Variants in HMCN1 observed in about 807,000 individuals in gnomAD.
HMCN1 encodes hemicentin 1, also known as hemicentin-1.
In HMCN1, 321 loss-of-function variants were observed where a neutral mutation model predicts 625.9. That is an observed-to-expected ratio of 0.51 (90% CI 0.47 to 0.56). HMCN1 has a LOEUF of 0.56. Ranked by LOEUF, HMCN1 falls within the 20% of genes least tolerant of loss-of-function variation. The pLI is 0.00. For missense variants in HMCN1, 6,588 were observed against 6,887.3 expected (o/e 0.96, Z 1.54); for synonymous variants, 2,425 against 2,417.6 (o/e 1.00, Z -0.09).
At chr1:186,023,953 A>G (rs1342908683) in intron 36 of HMCN1, among the ~76,000 whole-genome samples, 1 of 152,218 alleles carries the variant, frequency 6.6e-6, no homozygotes, top group Non-Finnish European at 1.5e-5. Flanking sequence ...TAGTAGGTGA[A>G]TGAAAAAGTT....
chr1:185,989,242 G>T (rs984550835), intron 20 of HMCN1, among the ~76,000 whole-genome samples: 1 of 151,950 alleles, frequency 6.6e-6, no homozygotes, highest in Non-Finnish European at 1.5e-5. Flanking sequence ...TGATCTGCCC[G>T]CCTTGGCCTC....
intron 97 of HMCN1, among the ~76,000 whole-genome samples, chr1:186,159,222 GCTCT>G (rs753792611): frequency 6.6e-6 from 1 of 152,026 alleles, no homozygotes; most frequent in Non-Finnish European, 1.5e-5. Flanking sequence ...TCATGATTTG[GCTCT>G]CTGTCTGTTA....
chr1:185,970,825 T>A (rs1286929636), intron 15 of HMCN1, among the ~76,000 whole-genome samples: 1 of 151,814 alleles, frequency 6.6e-6, no homozygotes, highest in Admixed American at 6.6e-5. Flanking sequence ...TGCCCAGCTA[T>A]TTTTTTGTAT....
chr1:185,867,659 G>A (rs925459131), intron 4 of HMCN1, among the ~76,000 whole-genome samples: 1 of 152,088 alleles, frequency 6.6e-6, no homozygotes, highest in Non-Finnish European at 1.5e-5. Flanking sequence ...AGTGGACATG[G>A]TCATTCCCAG....
chr1:185,933,177 C>T (rs909740001), intron 10 of HMCN1, among the ~76,000 whole-genome samples: 3 of 152,052 alleles, frequency 2.0e-5, no homozygotes, highest in Non-Finnish European at 4.4e-5. Flanking sequence ...TTCTTTACAA[C>T]GCTAAATACA....
intron 69 of HMCN1, 92 bp downstream of exon 69, chr1:186,103,760 T>A: frequency 2.8e-6 from 3 of 1,054,140 alleles, no homozygotes; most frequent in Non-Finnish European, 4.2e-6. Context: ...CTTTGAATCC[T>A]TATATATCAC....
chr1:185,750,105 G>A (rs758608228), intron 1 of HMCN1, among the ~76,000 whole-genome samples: 14 of 152,092 alleles, frequency 9.2e-5, no homozygotes, highest in South Asian at 2.1e-4. Flanking sequence ...ATGTGAATTC[G>A]TTCATTTAAG....
chr1:185,739,927 A>C (rs1357968302), intron 1 of HMCN1, among the ~76,000 whole-genome samples: 1 of 152,072 alleles, frequency 6.6e-6, no homozygotes, highest in Non-Finnish European at 1.5e-5. Context: ...GACTTGAAGG[A>C]GGTGAGGGAG....
intron 1 of HMCN1, among the ~76,000 whole-genome samples, chr1:185,755,923 C>T (rs1402447343): frequency 3.3e-5 from 5 of 152,066 alleles, no homozygotes; most frequent in African/African-American, 1.2e-4. Context: ...CACTATGTTG[C>T]CTAGGCTGGA....
rs1664968850 is a variant in HMCN1 at position 185,890,214 on chromosome 1, A to G, written c.622-19123A>G. 2.0e-5 allele frequency among the ~76,000 whole-genome samples: 3 copies of G among 148,226 alleles called. 1 individual carries two copies. Among genetic ancestry groups the G allele is most frequent in the Admixed American group, 6.6e-5 (1 of 15,170 alleles). ...AGTCTTCTCTCTTTTTTTCTTTATT[A>G]GTCTTGCTAGCGGTCTATCAATTTT... On this transcript the variant is annotated intron_variant, in intron 4 of 106. Coordinates refer to ENST00000271588, the MANE Select transcript of HMCN1 (RefSeq NM_031935.3).
chr1:185,898,714 A>G (rs1041445986), intron 4 of HMCN1, among the ~76,000 whole-genome samples: 2 of 152,158 alleles, frequency 1.3e-5, no homozygotes, highest in Admixed American at 1.3e-4. Flanking sequence ...CTGGAGAGGT[A>G]TACATATCTA....
chr1:186,029,308 G>A (rs1655263357), intron 36 of HMCN1, among the ~76,000 whole-genome samples: 1 of 151,994 alleles, frequency 6.6e-6, no homozygotes, highest in Non-Finnish European at 1.5e-5. Context: ...GATCTTTGTA[G>A]GTCAGTTATG....
At chr1:185,842,653 C>T (rs1286861059) in intron 1 of HMCN1, among the ~76,000 whole-genome samples, 1 of 151,474 alleles carries the variant, frequency 6.6e-6, no homozygotes, top group Non-Finnish European at 1.5e-5. Context: ...TCACTTGATC[C>T]TTGGGAGGTC....
intron 48 of HMCN1, among the ~76,000 whole-genome samples, chr1:186,063,096 A>ATATATATATATATATGTATATG (rs1185102259): frequency 1.7e-5 from 2 of 115,424 alleles, no homozygotes; most frequent in African/African-American, 7.6e-5. Context: ...ATATATATAT[A>ATATATATATATATATGTATATG]TATATATCAC....
At chr1:185,856,318 G>A (rs542131402) in intron 2 of HMCN1, among the ~76,000 whole-genome samples, 3 of 152,012 alleles carry the variant, frequency 2.0e-5, no homozygotes, top group African/African-American at 7.2e-5. Context: ...GTGAAACGCT[G>A]TCTCTACTAA....
rs576028622 is a variant in HMCN1, at chr1:185,984,151, CT to C, written c.2791-9del. On this transcript the variant is annotated splice_polypyrimidine_tract_variant and intron_variant, in intron 18 of 106. Transcript: ENST00000271588. ...TCCTTTCTTTTTAAATAAAAATTAC[CT>C]TTTTTTTTCCTTTAAGTTGCTCCAA... 7.2e-5 allele frequency: 114 copies of C among 1,584,226 alleles called. No individual in the cohort carries two copies. The highest frequency in any genetic ancestry group is 3.4e-4 in the Middle Eastern group (2 of 5,950).
In HMCN1 at chr1:186,168,558, A is replaced by G. The variant is rs184109175; in HGVS notation, c.15574+1616A>G. Among the ~76,000 whole-genome samples, 1,122 of 152,260 alleles carry G rather than the reference A, an allele frequency of 7.4e-3. 16 individuals are homozygous for G. Among genetic ancestry groups the G allele is most frequent in the African/African-American group, 0.026 (1,092 of 41,544 alleles). On this transcript the variant is annotated intron_variant, in intron 100 of 106. Transcript: ENST00000271588. ...GATGTCAAATAGAAAACAGTACACA[A>G]TAAGAGACATTGGCAATCTGGAATG...
chr1:186,071,269 G>A (rs923606808), intron 52 of HMCN1, among the ~76,000 whole-genome samples: 10 of 152,052 alleles, frequency 6.6e-5, no homozygotes, highest in African/African-American at 2.2e-4. Flanking sequence ...TTTTACAAAA[G>A]GTAATGTTTT....
intron 4 of HMCN1, among the ~76,000 whole-genome samples, chr1:185,901,044 A>T (rs1558052108): frequency 6.6e-6 from 1 of 151,924 alleles, no homozygotes; most frequent in African/African-American, 2.4e-5. Context: ...TGGGAAATTA[A>T]TTTAATAAAG....
Sources: gnomAD v4.1 joint callset for allele counts (sites outside exome capture counted in the v4.1 genomes callset) on GRCh38, gnomAD v4.1.1 for gene constraint, MANE v1.5 for transcripts, NCBI Gene and HGNC (gene_info 2026-07-23, HGNC 2026-07-21) for gene names.